The following PKHD1L1 variants were observed in gnomAD, a reference collection of about 807,000 sequenced individuals.
The protein encoded by PKHD1L1 is PKHD1 like 1.
Under a neutral mutation model 462.9 loss-of-function variants are expected in PKHD1L1, and 434 were observed. The observed-to-expected ratio is 0.94, with a 90% confidence interval of 0.87 to 1.02. PKHD1L1 has a LOEUF of 1.02. Among genes scored for constraint, PKHD1L1 ranks in the 50% least tolerant of loss-of-function variants. The pLI, the probability that PKHD1L1 is intolerant of heterozygous loss-of-function variation, is 0.00. For missense variants in PKHD1L1, 5,202 were observed against 5,096.1 expected (o/e 1.02, Z -0.63); for synonymous variants, 1,781 against 1,750.0 (o/e 1.02, Z -0.44).
At position 109,430,019 on chromosome 8, in the gene PKHD1L1, G is replaced by T. The variant is rs760494475; in HGVS notation, c.3211G>T (p.Ala1071Ser). ...WDSNITPLVL[A>S]ISPSQGSYEE... ...TTCCAACATTACTCCCCTAGTCTTG[G>T]CGATAAGCCCTTCTCAAGGTAACTT... The change falls in exon 27 of 78, where the codon GCG (alanine) becomes TCG (serine). Residue 1071 changes from alanine (A) to serine (S), a missense_variant. Physicochemically the swap from Ala to Ser is moderately conservative, Grantham distance 99. Around this residue, in one of 3 missense-constraint regions of PKHD1L1, gnomAD observed 4,497 missense variants for 4,336.8 expected, o/e 1.04. Coordinates refer to ENST00000378402, the MANE Select transcript of PKHD1L1 (RefSeq NM_177531.6). 9 of 1,606,890 alleles carry T rather than the reference G, an allele frequency of 5.6e-6. No homozygotes were observed. Among genetic ancestry groups the T allele is most frequent in the Non-Finnish European group, 8.5e-7 (1 of 1,177,612 alleles).
chr8:109,480,423 C>T (rs1030215829), intron 55 of PKHD1L1: 2 of 418,178 alleles, frequency 4.8e-6, no homozygotes, highest in African/African-American at 2.1e-5. Flanking sequence ...TCAGGCTAAA[C>T]CAACAGCTTG....
chr8:109,493,860 G>A (rs1021363904), intron 63 of PKHD1L1, 109 bp downstream of exon 63: 7 of 576,552 alleles, frequency 1.2e-5, no homozygotes, highest in Admixed American at 3.9e-5. Context: ...TTTTCCTTCC[G>A]GGCACTGAAA....
chr8:109,463,261 T>C (rs1817239347), intron 48 of PKHD1L1, among the ~76,000 whole-genome samples: 1 of 152,134 alleles, frequency 6.6e-6, no homozygotes, highest in African/African-American at 2.4e-5. Flanking sequence ...ATAGTTCTTA[T>C]CATGTATTCA....
rs201139459 is a variant in PKHD1L1, at chr8:109,452,824, C to T, written c.6614C>T (p.Thr2205Ile). Reference sequence around the variant, plus strand: ...CTTGTTGTTATTACAAAAGGACAGACCATTCTGCTGGATCAAAGCACCCCT... The same window carrying T: ...CTTGTTGTTATTACAAAAGGACAGATCATTCTGCTGGATCAAAGCACCCCT... ...GSLVVITKGQTILLDQSTPIL... is the reference protein window; with the variant it reads ...GSLVVITKGQIILLDQSTPIL... The change falls in exon 43 of 78, where the codon ACC (threonine) becomes ATC (isoleucine). Residue 2205 changes from threonine (T) to isoleucine (I), a missense_variant. Around this residue, in one of 3 missense-constraint regions of PKHD1L1, gnomAD observed 4,497 missense variants for 4,336.8 expected, o/e 1.04. Transcript: ENST00000378402. The T allele has an allele frequency of 1.7e-5, 26 of 1,534,066 alleles. No homozygotes were observed. The highest frequency in any genetic ancestry group is 1.9e-5 in the Non-Finnish European group (22 of 1,143,680).
chr8:109,532,293 CTGCT>C lies in PKHD1L1; in HGVS notation c.*2205_*2208del, dbSNP rs1821058607. ...TTAACTGCTTTAGGCTTCTGGCTGTCTGCTTTTTAAGAACATTCTAGAATTATCA... is the reference window on the plus strand; with the variant it reads ...TTAACTGCTTTAGGCTTCTGGCTGTCTTTTAAGAACATTCTAGAATTATCA... On this transcript the variant is annotated 3_prime_UTR_variant, in exon 78 of 78. Transcript: ENST00000378402. 6.6e-6 allele frequency among the ~76,000 whole-genome samples: 1 copy of C among 152,152 alleles called. No individual in the cohort carries two copies. The highest frequency in any genetic ancestry group is 2.4e-5 in the African/African-American group (1 of 41,434).
chr8:109,364,518 T>C (rs773038542), intron 1 of PKHD1L1, 29 bp from the exon 2 acceptor site: 3 of 1,449,768 alleles, frequency 2.1e-6, no homozygotes, highest in East Asian at 2.3e-5. Context: ...TGGTGATTTT[T>C]ACCTCTACTG....
In PKHD1L1 at chr8:109,534,573, G is replaced by C. The variant is rs1821109353; in HGVS notation, c.*4483G>C. ...GCCCTTTTTCTAAGATCATCAGTGG[G>C]CATTTTCAGCTTCCCCATTATGGTA... On this transcript the variant is annotated 3_prime_UTR_variant, in exon 78 of 78. Transcript: ENST00000378402. 6.6e-6 allele frequency among the ~76,000 whole-genome samples: 1 copy of C among 152,118 alleles called. No homozygotes were observed. The highest frequency in any genetic ancestry group is 2.4e-5 in the African/African-American group (1 of 41,424).
In PKHD1L1 at chr8:109,427,120, A is replaced by G. The variant is rs1373592989; in HGVS notation, c.2964A>G (p.Lys988=). 1 of 1,613,760 alleles carries G rather than the reference A, an allele frequency of 6.2e-7. No individual in the cohort carries two copies. Among genetic ancestry groups the G allele is most frequent in the African/African-American group, 1.3e-5 (1 of 74,920 alleles). ...GTCAGYAWNI[K]WRSTCGKQNL... The stretch of plus-strand genomic sequence containing the variant: ...GTGCTGGCTACGCGTGGAACATCAA[A>G]TGGAGAAGCACCTGCGGAAAGCAGA... The change falls in exon 25 of 78, where the codon AAA becomes AAG. Residue 988 remains lysine (K), a synonymous_variant. Coordinates refer to ENST00000378402, the MANE Select transcript of PKHD1L1 (RefSeq NM_177531.6).
chr8:109,429,350 C>A lies in PKHD1L1; in HGVS notation c.3011C>A (p.Ser1004Tyr). 1 of 1,517,164 alleles carries A rather than the reference C, an allele frequency of 6.6e-7. No homozygotes were observed. The highest frequency in any genetic ancestry group is 9.0e-7 in the Non-Finnish European group (1 of 1,108,748). The allele number at this position is 1,517,164 out of a possible 1,614,324, so 94.0% of individuals were successfully genotyped here. A position where few individuals can be genotyped will look rare whatever the true frequency, so the allele number is the denominator to read the frequency against. Residue 1004 changes from serine to tyrosine, a missense_variant, in exon 26 of 78, where the codon TCC becomes TAC. This residue lies in a region of PKHD1L1 where 4,497 missense variants were observed against 4,336.8 expected (regional missense o/e 1.04). Coordinates refer to ENST00000378402, the MANE Select transcript of PKHD1L1 (RefSeq NM_177531.6). ...GKQNLLQIND[S>Y]NIIGEKANMT... ...TGTGTGTAAAAATAGATTAATGATT[C>A]CAACATTATTGGAGAAAAGGCTAAT...
At position 109,454,224 on chromosome 8, in the gene PKHD1L1, T is replaced by A; in HGVS notation, c.6722T>A (p.Ile2241Asn). Reference protein sequence around the residue: ...DIELQAENILITDGGVLQIGT... With the variant: ...DIELQAENILNTDGGVLQIGT... ...GAACTCCAGGCAGAAAATATTCTAA[T>A]TACAGATGGAGGTGTTCTTCAGGTA... Residue 2241 changes from isoleucine (I) to asparagine (N), a missense_variant, in exon 44 of 78, where the codon ATT (isoleucine) becomes AAT (asparagine). By Grantham distance (149) the Ile-to-Asn change is moderately radical (BLOSUM62 -3). This residue lies in a region of PKHD1L1 where 4,497 missense variants were observed against 4,336.8 expected (regional missense o/e 1.04). Transcript: ENST00000378402. The A allele has an allele frequency of 6.2e-7, 1 of 1,607,214 alleles. No individual in the cohort carries two copies. The highest frequency in any genetic ancestry group is 8.5e-7 in the Non-Finnish European group (1 of 1,176,370).
intron 70 of PKHD1L1, among the ~76,000 whole-genome samples, chr8:109,509,247 C>A (rs1019191083): frequency 1.3e-5 from 2 of 151,908 alleles, no homozygotes; most frequent in East Asian, 1.9e-4. Context: ...TGCTGCTTTT[C>A]GGATTGTATG....
rs748176497 is a variant in PKHD1L1 at position 109,400,283 on chromosome 8, A to G, written c.1220A>G (p.Tyr407Cys). The stretch of plus-strand genomic sequence containing the variant: ...CCAGATTCTGATGTTTATAGATTCT[A>G]CATCAAGGGTGATGACCGTTATGCT... ...VAPDSDVYRF[Y>C]IKGDDRYAIY... The change falls in exon 13 of 78, where the codon TAC (tyrosine) becomes TGC (cysteine). Residue 407 changes from tyrosine to cysteine, a missense_variant. By Grantham distance (194) the Tyr-to-Cys change is radical. This residue lies in a region of PKHD1L1 where 4,497 missense variants were observed against 4,336.8 expected (regional missense o/e 1.04). Coordinates refer to ENST00000378402, the MANE Select transcript of PKHD1L1 (RefSeq NM_177531.6). 6.2e-7 allele frequency: 1 copy of G among 1,613,642 alleles called. No homozygotes were observed. Among genetic ancestry groups the G allele is most frequent in the Admixed American group, 1.7e-5 (1 of 59,986 alleles).
chr8:109,484,685 AC>A (rs1437224263), intron 57 of PKHD1L1, among the ~76,000 whole-genome samples: 4 of 151,912 alleles, frequency 2.6e-5, no homozygotes, highest in African/African-American at 4.8e-5. Flanking sequence ...AAACAAACAA[AC>A]AAAAAACTAG....
At position 109,534,403 on chromosome 8, in the gene PKHD1L1, C is replaced by A. The variant is rs564097148; in HGVS notation, c.*4313C>A. On this transcript the variant is annotated 3_prime_UTR_variant, in exon 78 of 78. Transcript: ENST00000378402. ...GTGTGAACCCAGGAGGCGGAGCTTG[C>A]AGTGAGCTGAGATCTCGCCACTGCA... Among the ~76,000 whole-genome samples the A allele has an allele frequency of 6.6e-6, 1 of 151,970 alleles. No individual in the cohort carries two copies. Among genetic ancestry groups the A allele is most frequent in the South Asian group, 2.1e-4 (1 of 4,824 alleles).
At position 109,445,533 on chromosome 8, in the gene PKHD1L1, C is replaced by T. The variant is rs769870379; in HGVS notation, c.5664C>T (p.Thr1888=). 1.9e-6 allele frequency: 3 copies of T among 1,613,350 alleles called. No individual in the cohort carries two copies. Among genetic ancestry groups the T allele is most frequent in the Non-Finnish European group, 1.7e-6 (2 of 1,179,676 alleles). ...TCTACTGCCGCACTCCCGCTGGGACCACTGGAATGGTCGATGTTAAAATCT... is the reference window on the plus strand; with the variant it reads ...TCTACTGCCGCACTCCCGCTGGGACTACTGGAATGGTCGATGTTAAAATCT... ...NEVYCRTPAG[T]TGMVDVKIFV... The change falls in exon 38 of 78, where the codon ACC becomes ACT. Residue 1888 remains threonine, a synonymous_variant. Transcript: ENST00000378402.
Position 109,444,712 on chromosome 8 carries a change from A to G in PKHD1L1, c.4843A>G (p.Ile1615Val). 6.2e-7 allele frequency: 1 copy of G among 1,613,880 alleles called. No individual in the cohort carries two copies. Among genetic ancestry groups the G allele is most frequent in the Non-Finnish European group, 8.5e-7 (1 of 1,179,774 alleles). ...CGTAGAAGAAAGTAGTGAGGATTCA[A>G]TTACATGTCATATTGACCCTCAAAA... ...CVVEESSEDS[I>V]TCHIDPQNSM... The change falls in exon 38 of 78, where the codon ATT becomes GTT. Residue 1615 changes from isoleucine (I) to valine (V), a missense_variant. By Grantham distance (29) the Ile-to-Val change is conservative (BLOSUM62 3). Transcript: ENST00000378402.
intron 57 of PKHD1L1, 90 bp from the exon 58 acceptor site, chr8:109,484,954 C>T (rs1586604255): frequency 3.7e-6 from 4 of 1,074,138 alleles, no homozygotes; most frequent in Admixed American, 2.8e-5. Flanking sequence ...ATGAGATATA[C>T]ATTAAATTTG....
chr8:109,529,839 T>A lies in PKHD1L1; in HGVS notation c.12722-241T>A, dbSNP rs534195008. On this transcript the variant is annotated intron_variant, in intron 77 of 77. Transcript: ENST00000378402. The stretch of plus-strand genomic sequence containing the variant: ...AAGTTTCACTAAATAAAAGACCTTA[T>A]ATTTTAAATGTGTATTTTTGAATGT... 5.4e-4 allele frequency among the ~76,000 whole-genome samples: 82 copies of A among 152,220 alleles called. 1 individual carries two copies. The South Asian group carries it at 8.7e-3, about 16-fold the overall frequency.
chr8:109,502,780 G>A (rs899079020), intron 67 of PKHD1L1, among the ~76,000 whole-genome samples: 3 of 152,254 alleles, frequency 2.0e-5, no homozygotes, highest in Non-Finnish European at 4.4e-5. Context: ...GAATAGGGCA[G>A]AGGAAGGAGC....
Sources: gnomAD v4.1 joint callset for allele counts (sites outside exome capture counted in the v4.1 genomes callset) on GRCh38, gnomAD v4.1.1 for gene constraint, gnomAD v4.1.1 regional missense constraint, MANE v1.5 for transcripts, NCBI Gene and HGNC (gene_info 2026-07-23, HGNC 2026-07-21) for gene names.